PAPPA: variants seen among roughly 807,000 people sequenced by gnomAD.
The protein encoded by PAPPA is pappalysin-1.
In PAPPA, 60 loss-of-function variants were observed where a neutral mutation model predicts 164.0. That is an observed-to-expected ratio of 0.37 (90% confidence interval 0.30 to 0.45). PAPPA has a LOEUF of 0.45. Ranked by LOEUF, PAPPA falls within the 20% of genes least tolerant of loss-of-function variation. The pLI, the probability that PAPPA is intolerant of heterozygous loss-of-function variation, is 1.00. For missense variants in PAPPA, 1,782 were observed against 2,087.3 expected (o/e 0.85, Z 2.85); for synonymous variants, 875 against 814.1 (o/e 1.07, Z -1.27).
intron 1 of PAPPA, among the ~76,000 whole-genome samples, chr9:116,156,306 G>GTATATATATGTGTGTATATATATGTGTA (rs1564168992): frequency 2.5e-5 from 3 of 121,184 alleles, no homozygotes; most frequent in African/African-American, 9.6e-5. Context: ...ATATATACAT[G>GTATATATATGTGTGTATATATATGTGTA]TATATATATG....
intron 7 of PAPPA, among the ~76,000 whole-genome samples, chr9:116,247,860 C>G (rs962796262): frequency 9.2e-5 from 14 of 152,138 alleles, no homozygotes; most frequent in Non-Finnish European, 1.3e-4. Context: ...CCAGCACCAG[C>G]CTTGCTGTGG....
chr9:116,198,767 G>A (rs904337413), intron 2 of PAPPA, among the ~76,000 whole-genome samples: 3 of 152,140 alleles, frequency 2.0e-5, no homozygotes, highest in Admixed American at 6.5e-5. Context: ...TTTTCCAAAA[G>A]GTAAATGAGA....
intron 7 of PAPPA, among the ~76,000 whole-genome samples, chr9:116,253,168 C>CAA (rs34350487): frequency 2.2e-4 from 32 of 146,842 alleles, no homozygotes; most frequent in Non-Finnish European, 3.3e-4. Context: ...ACCCAGCTAT[C>CAA]AAAAAAAAAA....
chr9:116,357,924 T>C (rs1846374714), intron 17 of PAPPA, among the ~76,000 whole-genome samples: 1 of 152,154 alleles, frequency 6.6e-6, no homozygotes, highest in East Asian at 1.9e-4. Flanking sequence ...ACCCAGCTCA[T>C]TGCACAGATC....
intron 2 of PAPPA, among the ~76,000 whole-genome samples, chr9:116,188,750 G>C (rs746324430): frequency 5.3e-5 from 8 of 152,168 alleles, no homozygotes; most frequent in Non-Finnish European, 8.8e-5. Context: ...CAGGCTCAAA[G>C]AGGTGGGGTC....
chr9:116,386,605 C>A (rs956106367), intron 21 of PAPPA, among the ~76,000 whole-genome samples: 5 of 152,158 alleles, frequency 3.3e-5, no homozygotes, highest in Non-Finnish European at 7.3e-5. Context: ...GAACCCAGTT[C>A]TATCTGACTC....
In PAPPA at chr9:116,377,590, T is replaced by C. The variant is rs145368387; in HGVS notation, c.4620T>C (p.Thr1540=). ...NPTRVERVVC[T]AGLKWYPHPA... ...TCTTCCCACAGAGAGTTGTCTGCAC[T>C]GCTGGTCTCAAGTGGTATCCTCACC... Residue 1540 remains threonine, a synonymous_variant, in exon 20 of 22, where the codon ACT becomes ACC. Coordinates refer to ENST00000328252, the MANE Select transcript of PAPPA (RefSeq NM_002581.5). 2.1e-5 allele frequency: 34 copies of C among 1,613,722 alleles called. No homozygotes were observed. In the African/African-American group the frequency reaches 4.5e-4, roughly 22 times the overall value.
chr9:116,241,468 T>G (rs1242615067), intron 7 of PAPPA, among the ~76,000 whole-genome samples: 1 of 152,202 alleles, frequency 6.6e-6, no homozygotes, highest in Non-Finnish European at 1.5e-5. Flanking sequence ...CTAGCTGAGC[T>G]GCCATCCCTG....
chr9:116,230,202 T>C (rs1320938071), intron 6 of PAPPA, among the ~76,000 whole-genome samples: 1 of 152,200 alleles, frequency 6.6e-6, no homozygotes, highest in Non-Finnish European at 1.5e-5. Context: ...GAGCATCCTA[T>C]TACAGTCTCT....
At chr9:116,289,223 T>TGCC (rs1587988937) in intron 9 of PAPPA, among the ~76,000 whole-genome samples, 1 of 46,632 alleles carries the variant, frequency 2.1e-5, no homozygotes, top group South Asian at 9.4e-4. Context: ...ATATGTAGCA[T>TGCC]ATATATATAG....
chr9:116,344,426 C>T, intron 13 of PAPPA, 117 bp from the exon 14 acceptor site: 1 of 1,009,728 alleles, frequency 9.9e-7, no homozygotes, highest in Non-Finnish European at 1.5e-6. Flanking sequence ...CCCTTTCTGT[C>T]CTCAGTCTCA....
At chr9:116,321,168 C>T (rs1180485741) in intron 10 of PAPPA, among the ~76,000 whole-genome samples, 2 of 151,986 alleles carry the variant, frequency 1.3e-5, no homozygotes, top group African/African-American at 4.8e-5. Context: ...GCTGGGACTA[C>T]AGGCGCCCAC....
intron 2 of PAPPA, among the ~76,000 whole-genome samples, chr9:116,189,879 G>T (rs1844021457): frequency 6.6e-6 from 1 of 152,180 alleles, no homozygotes; most frequent in Admixed American, 6.6e-5. Context: ...GAGGATGCTG[G>T]CAGGAGAATG....
At chr9:116,330,506 C>T in intron 10 of PAPPA, among the ~76,000 whole-genome samples, 1 of 151,998 alleles carries the variant, frequency 6.6e-6, no homozygotes, top group East Asian at 1.9e-4. Flanking sequence ...ATGCAAGAAA[C>T]CCCTAAGTTT....
chr9:116,286,839 T>C (rs1034611722), intron 9 of PAPPA: 3 of 152,002 alleles, frequency 2.0e-5, no homozygotes, highest in African/African-American at 7.2e-5. Context: ...CTTCTCATTT[T>C]TTTGTCCTCA....
chr9:116,272,200 G>C (rs1463189118), intron 9 of PAPPA, among the ~76,000 whole-genome samples: 2 of 152,196 alleles, frequency 1.3e-5, no homozygotes, highest in Non-Finnish European at 2.9e-5. Flanking sequence ...AGCTGGTCCA[G>C]ATGAGATCAT....
chr9:116,374,197 A>ATGG (rs1379795455), intron 19 of PAPPA, among the ~76,000 whole-genome samples: 5 of 106,432 alleles, frequency 4.7e-5, no homozygotes, highest in African/African-American at 8.6e-5. Flanking sequence ...GGTGATGATG[A>ATGG]TGGTGGTGCC....
intron 19 of PAPPA, among the ~76,000 whole-genome samples, chr9:116,374,154 A>G (rs200138287): frequency 0.057 from 1,682 of 29,750 alleles, 19 homozygotes; most frequent in Non-Finnish European, 0.11. Context: ...TGATGGTGGT[A>G]GTGTTGGTGG....
chr9:116,384,022 T>TTAAG (rs1351451115), intron 21 of PAPPA, among the ~76,000 whole-genome samples: 13 of 152,100 alleles, frequency 8.5e-5, no homozygotes, highest in African/African-American at 2.7e-4. Context: ...GTGAATTTTG[T>TTAAG]TAAGTAAGTG....
Sources: gnomAD v4.1 joint callset for allele counts (sites outside exome capture counted in the v4.1 genomes callset) on GRCh38, gnomAD v4.1.1 for gene constraint, MANE v1.5 for transcripts, NCBI Gene and HGNC (gene_info 2026-07-23, HGNC 2026-07-21) for gene names.